AGAP1: variants seen among roughly 807,000 people sequenced by gnomAD.
The protein encoded by AGAP1 is arf-GAP with GTPase, ANK repeat and PH domain-containing protein 1.
AGAP1 carries 29 observed loss-of-function variants against 105.3 expected under a neutral mutation model. That is an observed-to-expected ratio of 0.28 (90% CI 0.21 to 0.38). The LOEUF (loss-of-function observed/expected upper bound fraction) is 0.38. Among genes scored for constraint, AGAP1 ranks in the 10% least tolerant of loss-of-function variants. AGAP1 has a pLI of 1.00. For synonymous variants in AGAP1, 509 were observed against 485.9 expected (o/e 1.05, Z -0.63); for missense variants, 998 against 1,165.1 (o/e 0.86, Z 2.09).
At position 235,752,353 on chromosome 2, in the gene AGAP1, A is replaced by G. The variant is rs1311644863; in HGVS notation, c.673+1865A>G. ...CTGCCACACCTGGCTAATTTTTTGC[A>G]TTTTAGTAGAGATGGGATTTTCACC... On this transcript the variant is annotated intron_variant, in intron 6 of 17. Coordinates refer to ENST00000304032, the MANE Select transcript of AGAP1 (RefSeq NM_001037131.3). The surrounding 1 kb of genome is among the most constrained non-coding windows in gnomAD (Gnocchi z 4.3). Among the ~76,000 whole-genome samples the G allele has an allele frequency of 6.6e-6, 1 of 152,028 alleles. No homozygotes were observed. The highest frequency in any genetic ancestry group is 1.9e-4 in the East Asian group (1 of 5,180).
intron 1 of AGAP1, among the ~76,000 whole-genome samples, chr2:235,525,377 T>C (rs929558754): frequency 3.2e-5 from 4 of 123,474 alleles, no homozygotes; most frequent in African/African-American, 1.3e-4. Context: ...GAGGACTGAT[T>C]TATAAAGTAG....
chr2:235,907,381 GGGTGA>G (rs1195418225), intron 10 of AGAP1, among the ~76,000 whole-genome samples: 1 of 151,936 alleles, frequency 6.6e-6, no homozygotes, highest in Non-Finnish European at 1.5e-5. Context: ...TGAGGTGGGA[GGGTGA>G]CTTGAGACTA....
intron 6 of AGAP1, among the ~76,000 whole-genome samples, chr2:235,796,602 A>G (rs1020928098): frequency 1.3e-5 from 2 of 152,234 alleles, no homozygotes; most frequent in African/African-American, 4.8e-5. Context: ...TATTTATACT[A>G]TCATTCATTT....
At chr2:235,718,779 A>G (rs1951242420) in intron 3 of AGAP1, among the ~76,000 whole-genome samples, 1 of 152,178 alleles carries the variant, frequency 6.6e-6, no homozygotes, top group South Asian at 2.1e-4. Flanking sequence ...GGAAGATTAG[A>G]GGTGATAATG....
intron 9 of AGAP1, among the ~76,000 whole-genome samples, chr2:235,822,849 C>T (rs750577286): frequency 2.6e-5 from 4 of 152,132 alleles, no homozygotes; most frequent in Non-Finnish European, 5.9e-5. Flanking sequence ...GGTCGTGGAC[C>T]CCGACGGGTG....
In AGAP1 at chr2:235,855,168, GC is replaced by G; in HGVS notation, c.1051-28173del. On this transcript the variant is annotated intron_variant, in intron 9 of 17. Coordinates refer to ENST00000304032, the MANE Select transcript of AGAP1 (RefSeq NM_001037131.3). The surrounding 1 kb of genome is among the most constrained non-coding windows in gnomAD (Gnocchi z 5.0). ...ATGTTCAACAAACCAGCCTCATCAG[GC>G]CCCAGGTGGAAAATCGGCGTGGTGA... 6.6e-6 allele frequency among the ~76,000 whole-genome samples: 1 copy of G among 152,218 alleles called. No individual in the cohort carries two copies. Among genetic ancestry groups the G allele is most frequent in the Non-Finnish European group, 1.5e-5 (1 of 68,036 alleles).
chr2:235,558,505 T>G (rs1182757886), intron 1 of AGAP1, among the ~76,000 whole-genome samples: 1 of 152,188 alleles, frequency 6.6e-6, no homozygotes, highest in Non-Finnish European at 1.5e-5. Context: ...AATGTTCTCA[T>G]GTCTCCATCC....
Position 235,979,108 on chromosome 2 carries a change from G to T in AGAP1, c.1645+10485G>T, listed in dbSNP as rs551166180. 6.6e-6 allele frequency among the ~76,000 whole-genome samples: 1 copy of T among 150,874 alleles called. No homozygotes were observed. The highest frequency in any genetic ancestry group is 1.5e-5 in the Non-Finnish European group (1 of 67,828). The stretch of plus-strand genomic sequence containing the variant: ...CTTTTTCTTTTTTTGGATGACAGAA[G>T]TGTATTTGTGGGGTTTTTTTGTTGT... On this transcript the variant is annotated intron_variant, in intron 13 of 17. Coordinates refer to ENST00000304032, the MANE Select transcript of AGAP1 (RefSeq NM_001037131.3). The surrounding 1 kb of genome is among the most constrained non-coding windows in gnomAD (Gnocchi z 4.5).
rs1162419844 is a variant in AGAP1, at chr2:236,001,058, A to C, written c.1645+32435A>C. ...TGTGGCCTCATATGGAACTAGGGTC[A>C]TGGCAGATGTCATTAGCTATACAGG... On this transcript the variant is annotated intron_variant, in intron 13 of 17. Coordinates refer to ENST00000304032, the MANE Select transcript of AGAP1 (RefSeq NM_001037131.3). This position sits in a 1 kb window ranked among gnomAD's most constrained non-coding sequence, Gnocchi z 4.7. 6.6e-6 allele frequency among the ~76,000 whole-genome samples: 1 copy of C among 152,220 alleles called. No individual in the cohort carries two copies. The highest frequency in any genetic ancestry group is 2.4e-5 in the African/African-American group (1 of 41,450).
At chr2:236,043,207 C>T (rs530085973) in intron 15 of AGAP1, among the ~76,000 whole-genome samples, 1 of 152,292 alleles carries the variant, frequency 6.6e-6, no homozygotes, top group African/African-American at 2.4e-5. Context: ...GGCCTTTCGA[C>T]AATGTATATA....
At chr2:235,768,651 G>A (rs1213870879) in intron 6 of AGAP1, among the ~76,000 whole-genome samples, 7 of 152,200 alleles carry the variant, frequency 4.6e-5, no homozygotes, top group African/African-American at 1.7e-4. Flanking sequence ...TGTTGCAGTC[G>A]AATCAGTAAA....
rs1944667883 is a variant in AGAP1 at position 235,574,377 on chromosome 2, TC to T, written c.163+79529del. Among the ~76,000 whole-genome samples, 1 of 152,264 alleles carries T rather than the reference TC, an allele frequency of 6.6e-6. No homozygotes were observed. The highest frequency in any genetic ancestry group is 2.4e-5 in the African/African-American group (1 of 41,468). ...TTAATTGTATGTGTGAAGCATTTTTTCTTCTTTGCTAAATGCATAAACTGTA... is the reference window on the plus strand; with the variant it reads ...TTAATTGTATGTGTGAAGCATTTTTTTTCTTTGCTAAATGCATAAACTGTA... On this transcript the variant is annotated intron_variant, in intron 1 of 17. Transcript: ENST00000304032. The surrounding 1 kb of genome is among the most constrained non-coding windows in gnomAD (Gnocchi z 5.0).
chr2:235,758,742 G>T (rs1414386808), intron 6 of AGAP1, among the ~76,000 whole-genome samples: 1 of 152,178 alleles, frequency 6.6e-6, no homozygotes, highest in African/African-American at 2.4e-5. Context: ...GGGGTTGGGG[G>T]CTGAGCAGAA....
intron 8 of AGAP1, among the ~76,000 whole-genome samples, chr2:235,802,939 T>C (rs1957596718): frequency 1.4e-5 from 1 of 72,754 alleles, no homozygotes; most frequent in African/African-American, 5.1e-5. Context: ...GTTATGATGG[T>C]TGTAATGGTG....
chr2:235,896,767 G>T (rs983479369), intron 10 of AGAP1, among the ~76,000 whole-genome samples: 2 of 152,294 alleles, frequency 1.3e-5, no homozygotes, highest in South Asian at 2.1e-4. Flanking sequence ...GAATTAGGCC[G>T]CCATAAAAGT....
chr2:235,512,500 G>A (rs919620733), intron 1 of AGAP1, among the ~76,000 whole-genome samples: 7 of 152,174 alleles, frequency 4.6e-5, no homozygotes, highest in Admixed American at 1.3e-4. Context: ...AGGCTGAGGT[G>A]AGAGGATTGC....
chr2:236,004,130 ACT>A (rs762243432), intron 13 of AGAP1, among the ~76,000 whole-genome samples: 2 of 152,128 alleles, frequency 1.3e-5, no homozygotes, highest in Non-Finnish European at 2.9e-5. Flanking sequence ...TAACTTTGTT[ACT>A]GTTTTTCCTG....
At position 236,036,646 on chromosome 2, in the gene AGAP1, C is replaced by G. The variant is rs377662751; in HGVS notation, c.1731C>G (p.Asp577Glu). The change falls in exon 14 of 18, where the codon GAC (aspartate) becomes GAG (glutamate). Residue 577 changes from aspartate (D) to glutamate (E), a missense_variant. Asp to Glu is a conservative substitution (Grantham distance 45). Around this residue, in one of 3 missense-constraint regions of AGAP1, gnomAD observed 735 missense variants for 833.4 expected, o/e 0.88. Transcript: ENST00000304032. The surrounding 1 kb of genome is among the most constrained non-coding windows in gnomAD (Gnocchi z 5.7). ...AAGCCACGACGTATGAGGAGCGGGA[C>G]GCCTGGGTCCAAGCCATCGAGAGCC... is the stretch of plus-strand genomic sequence containing the variant. ...HFEATTYEER[D>E]AWVQAIESQI... 1.5e-5 allele frequency: 24 copies of G among 1,614,070 alleles called. No individual in the cohort carries two copies. The highest frequency in any genetic ancestry group is 2.0e-5 in the Non-Finnish European group (24 of 1,180,056).
rs2054908910 is a variant in AGAP1 at position 235,977,505 on chromosome 2, G to A, written c.1645+8882G>A. Among the ~76,000 whole-genome samples, 1 of 152,136 alleles carries A rather than the reference G, an allele frequency of 6.6e-6. No homozygotes were observed. On this transcript the variant is annotated intron_variant, in intron 13 of 17. Coordinates refer to ENST00000304032, the MANE Select transcript of AGAP1 (RefSeq NM_001037131.3). This position sits in a 1 kb window ranked among gnomAD's most constrained non-coding sequence, Gnocchi z 5.2. ...ACAGATTGAAATGTTCAGCAGCAAG[G>A]TATGAGAGGTCCGCATCTCATGCAC... is the stretch of plus-strand genomic sequence containing the variant.
Sources: allele counts gnomAD v4.1 joint callset (sites outside exome capture counted in the v4.1 genomes callset), GRCh38; gene constraint gnomAD v4.1.1; regional missense constraint gnomAD v4.1.1; non-coding constraint Gnocchi (gnomAD v3.1); transcripts MANE v1.5; gene names NCBI Gene and HGNC (gene_info 2026-07-23, HGNC 2026-07-21).